CBFB: variants seen among roughly 807,000 people sequenced by gnomAD.
CBFB encodes core-binding factor subunit beta.
A neutral mutation model predicts 30.4 loss-of-function variants in CBFB; 9 were observed. That is an observed-to-expected ratio of 0.30 (90% CI 0.18 to 0.52). The LOEUF (loss-of-function observed/expected upper bound fraction) is 0.52. Among genes scored for constraint, CBFB ranks in the 20% least tolerant of loss-of-function variants. The pLI, the probability that CBFB is intolerant of heterozygous loss-of-function variation, is 0.97. For synonymous variants in CBFB, 94 were observed against 84.0 expected (o/e 1.12, Z -0.65); for missense variants, 170 against 244.0 (o/e 0.70, Z 2.02).
At chr16:67,073,492 C>A (rs751214587) in intron 4 of CBFB, among the ~76,000 whole-genome samples, 1 of 152,178 alleles carries the variant, frequency 6.6e-6, no homozygotes, top group Non-Finnish European at 1.5e-5. Context: ...TACTTGTAAT[C>A]CCTGCACTCT....
intron 5 of CBFB, among the ~76,000 whole-genome samples, chr16:67,091,574 A>G (rs978491675): frequency 1.3e-5 from 2 of 152,128 alleles, no homozygotes; most frequent in African/African-American, 4.8e-5. Context: ...TATTCCCACT[A>G]TTTCATTTTA....
chr16:67,045,466 G>T (rs1049877537), intron 3 of CBFB, among the ~76,000 whole-genome samples: 7 of 151,936 alleles, frequency 4.6e-5, no homozygotes, highest in African/African-American at 1.7e-4. Context: ...GCAGTGGGCT[G>T]AGATTGTACC....
At chr16:67,063,833 T>C (rs1325430100) in intron 3 of CBFB, among the ~76,000 whole-genome samples, 1 of 152,138 alleles carries the variant, frequency 6.6e-6, no homozygotes. Flanking sequence ...ATTAAACATC[T>C]CTAAAAACAA....
chr16:67,089,290 G>C (rs899831401), intron 5 of CBFB, among the ~76,000 whole-genome samples: 1 of 152,044 alleles, frequency 6.6e-6, no homozygotes, highest in Admixed American at 6.6e-5. Context: ...TTCCTACTCT[G>C]TGGGTAATTT....
At chr16:67,061,996 C>T (rs539154423) in intron 3 of CBFB, among the ~76,000 whole-genome samples, 1 of 152,054 alleles carries the variant, frequency 6.6e-6, no homozygotes, top group Non-Finnish European at 1.5e-5. Flanking sequence ...CGCACCACTG[C>T]ACTCCAGCCT....
At chr16:67,070,825 TG>T (rs1961202563) in intron 4 of CBFB, among the ~76,000 whole-genome samples, 1 of 152,202 alleles carries the variant, frequency 6.6e-6, no homozygotes, top group Non-Finnish European at 1.5e-5. Context: ...CACTCCAGCC[TG>T]GGTGACAGAG....
chr16:67,045,793 T>G (rs1355071581), intron 3 of CBFB, among the ~76,000 whole-genome samples: 1 of 148,476 alleles, frequency 6.7e-6, no homozygotes, highest in Non-Finnish European at 1.5e-5. Flanking sequence ...TTCTACTTTC[T>G]ACATTTTTTT....
At chr16:67,084,879 C>T (rs1247193541) in intron 5 of CBFB, among the ~76,000 whole-genome samples, 2 of 152,114 alleles carry the variant, frequency 1.3e-5, no homozygotes, top group Non-Finnish European at 2.9e-5. Flanking sequence ...GGACAGCTTA[C>T]TTCACTTTTC....
rs1040476087 is a variant in CBFB at position 67,065,142 on chromosome 16, G to T, written c.283-1540G>T. 5.8e-4 allele frequency among the ~76,000 whole-genome samples: 89 copies of T among 152,198 alleles called. 1 individual carries two copies. Among genetic ancestry groups the T allele is most frequent in the African/African-American group, 2.0e-3 (84 of 41,532 alleles). On this transcript the variant is annotated intron_variant, in intron 3 of 5. Coordinates refer to ENST00000412916, the MANE Select transcript of CBFB (RefSeq NM_022845.3). ...TGAAACTCCTGACTTCAAGTGATCC[G>T]CCCAACTTGGCCTCCCAAAGTGCCG...
rs1966432046 is a variant in CBFB, at chr16:67,035,795, T to C, written c.166-844T>C. On this transcript the variant is annotated intron_variant, in intron 2 of 5. Transcript: ENST00000412916. ...GAGTTTACATTTAGATGATGAAAAA[T>C]GTATTTTTTCAAAAATGCTTTTACT... 5.3e-5 allele frequency among the ~76,000 whole-genome samples: 8 copies of C among 152,292 alleles called. No homozygotes were observed. The South Asian group carries it at 1.7e-3, about 32-fold the overall frequency.
intron 5 of CBFB, among the ~76,000 whole-genome samples, chr16:67,093,970 A>C (rs1961970451): frequency 6.6e-6 from 1 of 152,120 alleles, no homozygotes; most frequent in African/African-American, 2.4e-5. Flanking sequence ...ACTCCTATGG[A>C]AGCTATTTTA....
intron 5 of CBFB, among the ~76,000 whole-genome samples, chr16:67,096,466 C>CGT (rs1567627351): frequency 1.3e-5 from 2 of 150,802 alleles, no homozygotes; most frequent in African/African-American, 4.9e-5. Flanking sequence ...AGAAAATATA[C>CGT]ATATATATAT....
intron 3 of CBFB, among the ~76,000 whole-genome samples, chr16:67,065,154 C>T (rs1961017516): frequency 6.6e-6 from 1 of 152,228 alleles, no homozygotes; most frequent in African/African-American, 2.4e-5. Flanking sequence ...CCAACTTGGC[C>T]TCCCAAAGTG....
intron 3 of CBFB, among the ~76,000 whole-genome samples, chr16:67,062,734 A>C (rs1960946593): frequency 6.6e-6 from 1 of 151,966 alleles, no homozygotes; most frequent in Non-Finnish European, 1.5e-5. Context: ...CAGAGGTTGC[A>C]GTGAGCCAAG....
At chr16:67,083,111 T>C (rs1310968669) in intron 5 of CBFB, among the ~76,000 whole-genome samples, 1 of 152,068 alleles carries the variant, frequency 6.6e-6, no homozygotes, top group Admixed American at 6.6e-5. Context: ...CCCTGGAGTT[T>C]GAGGTTACAG....
At chr16:67,095,934 C>T (rs560052710) in intron 5 of CBFB, among the ~76,000 whole-genome samples, 13 of 151,612 alleles carry the variant, frequency 8.6e-5, no homozygotes, top group African/African-American at 1.9e-4. Context: ...TCAGGTGATC[C>T]GCCCACCTTG....
At chr16:67,049,520 A>G (rs1351586784) in intron 3 of CBFB, among the ~76,000 whole-genome samples, 1 of 152,004 alleles carries the variant, frequency 6.6e-6, no homozygotes, top group African/African-American at 2.4e-5. Flanking sequence ...TTTATTTTTG[A>G]GACAGACTCT....
At chr16:67,064,231 G>T (rs531372422) in intron 3 of CBFB, among the ~76,000 whole-genome samples, 1 of 152,284 alleles carries the variant, frequency 6.6e-6, no homozygotes, top group African/African-American at 2.4e-5. Flanking sequence ...TTTTGAGACA[G>T]AGTCTAGCTT....
chr16:67,033,751 A>G (rs867857080), intron 2 of CBFB, among the ~76,000 whole-genome samples: 2 of 148,782 alleles, frequency 1.3e-5, no homozygotes, highest in Non-Finnish European at 3.0e-5. Context: ...AACTGGGACT[A>G]CAGTCGCCTG....
Sources: allele counts gnomAD v4.1 joint callset (sites outside exome capture counted in the v4.1 genomes callset), GRCh38; gene constraint gnomAD v4.1.1; transcripts MANE v1.5; gene names NCBI Gene and HGNC (gene_info 2026-07-23, HGNC 2026-07-21).